Variants in TMEM132D observed in about 807,000 individuals in gnomAD.
The protein encoded by TMEM132D is mature OL transmembrane protein.
A neutral mutation model predicts 62.3 loss-of-function variants in TMEM132D; 21 were observed. The observed-to-expected ratio is 0.34, with a 90% CI of 0.24 to 0.49. TMEM132D has a LOEUF of 0.49. Ranked by LOEUF, TMEM132D falls within the 20% of genes least tolerant of loss-of-function variation. The pLI, the probability that TMEM132D is intolerant of heterozygous loss-of-function variation, is 0.99. For missense variants in TMEM132D, 1,346 were observed against 1,402.8 expected, an observed-to-expected ratio of 0.96 and a Z score of 0.65; for synonymous variants, 621 against 575.6, an observed-to-expected ratio of 1.08 and a Z score of -1.13.
intron 2 of TMEM132D, among the ~76,000 whole-genome samples, chr12:129,610,695 C>T (rs1878752087): frequency 6.6e-6 from 1 of 151,660 alleles, no homozygotes; most frequent in Admixed American, 6.6e-5. Flanking sequence ...TATGTGGGCT[C>T]TATTCCTTGA....
chr12:129,258,127 T>C (rs1259343520), intron 4 of TMEM132D, among the ~76,000 whole-genome samples: 3 of 152,324 alleles, frequency 2.0e-5, no homozygotes, highest in African/African-American at 7.2e-5. Flanking sequence ...ACTCTAATCC[T>C]TTCCGGCTGG....
At position 129,371,744 on chromosome 12, in the gene TMEM132D, C is replaced by T. The variant is rs925500022; in HGVS notation, c.1116-33927G>A. On this transcript the variant is annotated intron_variant, in intron 3 of 8. Coordinates refer to ENST00000422113, the MANE Select transcript of TMEM132D (RefSeq NM_133448.3). This position sits in a 1 kb window ranked among gnomAD's most constrained non-coding sequence, Gnocchi z 4.3. ...TGATGGGGTGTTTAGAACTGGAAAACATGGAAGTCTATACATAGCTTTACG... is the reference window on the plus strand; with the variant it reads ...TGATGGGGTGTTTAGAACTGGAAAATATGGAAGTCTATACATAGCTTTACG... 6.6e-6 allele frequency among the ~76,000 whole-genome samples: 1 copy of T among 152,032 alleles called. No individual in the cohort carries two copies. The highest frequency in any genetic ancestry group is 2.4e-5 in the African/African-American group (1 of 41,378).
intron 5 of TMEM132D, among the ~76,000 whole-genome samples, chr12:129,122,979 G>A (rs758311520): frequency 6.6e-6 from 1 of 152,122 alleles, no homozygotes; most frequent in Non-Finnish European, 1.5e-5. Context: ...AAATCTTACA[G>A]CTTACATATA....
At chr12:129,245,804 A>G (rs1005838398) in intron 4 of TMEM132D, among the ~76,000 whole-genome samples, 1 of 152,234 alleles carries the variant, frequency 6.6e-6, no homozygotes, top group African/African-American at 2.4e-5. Context: ...TGGAAAGCAG[A>G]TCTGCCTGCA....
intron 1 of TMEM132D, among the ~76,000 whole-genome samples, chr12:129,746,775 T>C (rs1486928273): frequency 6.6e-6 from 1 of 152,118 alleles, no homozygotes; most frequent in Non-Finnish European, 1.5e-5. Context: ...AGGTTTTCTC[T>C]GCACTCCTGC....
intron 4 of TMEM132D, among the ~76,000 whole-genome samples, chr12:129,228,192 T>G (rs971749564): frequency 6.6e-6 from 1 of 152,172 alleles, no homozygotes; most frequent in Non-Finnish European, 1.5e-5. Context: ...GTTTAACTTT[T>G]GAATTGAGTT....
intron 3 of TMEM132D, among the ~76,000 whole-genome samples, chr12:129,437,101 C>A (rs1872806915): frequency 6.6e-6 from 1 of 152,062 alleles, no homozygotes; most frequent in Non-Finnish European, 1.5e-5. Context: ...TCCCAGACTT[C>A]TTTGCAGCCA....
At chr12:129,793,672 G>T (rs1204011711) in intron 1 of TMEM132D, among the ~76,000 whole-genome samples, 1 of 152,210 alleles carries the variant, frequency 6.6e-6, no homozygotes, top group South Asian at 2.1e-4. Context: ...AGCCAGGATA[G>T]GAATATTTTT....
chr12:129,369,338 C>T (rs3850007), intron 3 of TMEM132D, among the ~76,000 whole-genome samples: 33,302 of 150,878 alleles, frequency 0.22, 3,867 homozygotes, highest in Non-Finnish European at 0.26. Flanking sequence ...TAAAATTTCA[C>T]TTGATTAAAT....
At chr12:129,545,878 C>T (rs1451098435) in intron 2 of TMEM132D, among the ~76,000 whole-genome samples, 3 of 152,264 alleles carry the variant, frequency 2.0e-5, no homozygotes, top group Middle Eastern at 3.4e-3. Flanking sequence ...AACCGTCTCT[C>T]GGAGCTGTCT....
chr12:129,888,009 TC>T (rs2137391523), intron 1 of TMEM132D, among the ~76,000 whole-genome samples: 1 of 152,302 alleles, frequency 6.6e-6, no homozygotes, highest in East Asian at 1.9e-4. Context: ...TTGACACTGT[TC>T]CCCTGAAAAT....
intron 2 of TMEM132D, among the ~76,000 whole-genome samples, chr12:129,636,909 C>G (rs1472758184): frequency 1.3e-5 from 2 of 152,024 alleles, no homozygotes; most frequent in Non-Finnish European, 2.9e-5. Context: ...GTTACACTGG[C>G]AACCTGAATT....
At position 129,071,982 on chromosome 12, in the gene TMEM132D, G is replaced by C. The variant is rs1874081079; in HGVS notation, c.*1893C>G. ...GGTAAGCTTGCGGACAGGAGCAGGTGACTTACTGGCTGCAGAAACCTCAGT... is the reference window on the plus strand; with the variant it reads ...GGTAAGCTTGCGGACAGGAGCAGGTCACTTACTGGCTGCAGAAACCTCAGT... On this transcript the variant is annotated 3_prime_UTR_variant, in exon 9 of 9. Coordinates refer to ENST00000422113, the MANE Select transcript of TMEM132D (RefSeq NM_133448.3). 6.6e-6 allele frequency: 1 copy of C among 152,154 alleles called. No homozygotes were observed. Among genetic ancestry groups the C allele is most frequent in the South Asian group, 2.1e-4 (1 of 4,820 alleles). 9.4% of individuals were successfully genotyped at this position (152,154 alleles called of 1,614,324 possible).
intron 3 of TMEM132D, among the ~76,000 whole-genome samples, chr12:129,530,307 TTCA>T (rs1876178247): frequency 6.6e-6 from 1 of 152,044 alleles, no homozygotes; most frequent in Admixed American, 6.6e-5. Flanking sequence ...CATATCGGAA[TTCA>T]TCCTTTCATT....
At chr12:129,165,328 A>C (rs1437178407) in intron 5 of TMEM132D, among the ~76,000 whole-genome samples, 1 of 152,186 alleles carries the variant, frequency 6.6e-6, no homozygotes, top group Non-Finnish European at 1.5e-5. Flanking sequence ...ATCACTGGGC[A>C]CTCTTAAGAT....
chr12:129,842,779 A>T (rs1476090149), intron 1 of TMEM132D, among the ~76,000 whole-genome samples: 1 of 152,146 alleles, frequency 6.6e-6, no homozygotes, highest in Non-Finnish European at 1.5e-5. Flanking sequence ...CTGCTGGTGT[A>T]TCTTTAATTT....
At chr12:129,238,573 C>T (rs543314483) in intron 4 of TMEM132D, among the ~76,000 whole-genome samples, 10 of 152,264 alleles carry the variant, frequency 6.6e-5, no homozygotes, top group Non-Finnish European at 5.9e-5. Flanking sequence ...AGTAGAGTCA[C>T]GCAGTATTTA....
chr12:129,722,243 A>G (rs4237837), intron 1 of TMEM132D, among the ~76,000 whole-genome samples: 125,437 of 152,114 alleles, frequency 0.82, 52,282 homozygotes, highest in Non-Finnish European at 0.9. Flanking sequence ...TGCTGCAGAC[A>G]CACAATCTGT....
At chr12:129,889,335 G>C (rs1874847828) in intron 1 of TMEM132D, among the ~76,000 whole-genome samples, 1 of 152,172 alleles carries the variant, frequency 6.6e-6, no homozygotes, top group Admixed American at 6.5e-5. Flanking sequence ...CAGCCAATGA[G>C]ATGTGGGCAG....
Sources: allele counts gnomAD v4.1 joint callset (sites outside exome capture counted in the v4.1 genomes callset), GRCh38; gene constraint gnomAD v4.1.1; non-coding constraint Gnocchi (gnomAD v3.1); transcripts MANE v1.5; gene names NCBI Gene and HGNC (gene_info 2026-07-23, HGNC 2026-07-21).